CAMTA1: variants seen among roughly 807,000 people sequenced by gnomAD.
CAMTA1 encodes the protein calmodulin binding transcription activator 1.
A neutral mutation model predicts 170.9 loss-of-function variants in CAMTA1; 27 were observed. That is an observed-to-expected ratio of 0.16 (90% CI 0.12 to 0.22). CAMTA1 has a LOEUF of 0.22. Among genes scored for constraint, CAMTA1 ranks in the 10% least tolerant of loss-of-function variants. CAMTA1 has a pLI of 1.00. For synonymous variants in CAMTA1, 833 were observed against 891.5 expected (o/e 0.93, Z 1.17); for missense variants, 1,619 against 2,217.2 (o/e 0.73, Z 5.42).
At chr1:7,206,190 C>T (rs1463876329) in intron 4 of CAMTA1, among the ~76,000 whole-genome samples, 1 of 152,102 alleles carries the variant, frequency 6.6e-6, no homozygotes, top group Admixed American at 6.5e-5. Context: ...TTAATTTTCC[C>T]ACATGAACTA....
At chr1:7,045,723 G>A (rs1015591068) in intron 3 of CAMTA1, among the ~76,000 whole-genome samples, 2 of 152,176 alleles carry the variant, frequency 1.3e-5, no homozygotes, top group African/African-American at 4.8e-5. Context: ...CACCACATGA[G>A]TAGATTTTAA....
At chr1:7,696,675 T>C (rs1298920586) in intron 11 of CAMTA1, among the ~76,000 whole-genome samples, 1 of 152,132 alleles carries the variant, frequency 6.6e-6, no homozygotes, top group Non-Finnish European at 1.5e-5. Context: ...TCTTTCTGCC[T>C]CATGGAAAAG....
chr1:7,160,314 C>G (rs1396573777), intron 4 of CAMTA1, among the ~76,000 whole-genome samples: 2 of 152,154 alleles, frequency 1.3e-5, no homozygotes, highest in Non-Finnish European at 2.9e-5. Context: ...CAGCTTTACT[C>G]CCCCTGTCCC....
At chr1:7,756,766 T>G (rs1197338824) in intron 22 of CAMTA1, among the ~76,000 whole-genome samples, 1 of 152,144 alleles carries the variant, frequency 6.6e-6, no homozygotes, top group Non-Finnish European at 1.5e-5. Flanking sequence ...GAGGATCATG[T>G]AAGCCTGGGA....
In CAMTA1 at chr1:6,887,539, C is replaced by T; in HGVS notation, c.234+62329C>T. On this transcript the variant is annotated intron_variant, in intron 3 of 22. Transcript: ENST00000303635. This position sits in a 1 kb window ranked among gnomAD's most constrained non-coding sequence, Gnocchi z 4.1. ...GTGTTTAATATATACTTTAGTTTGC[C>T]TTTACCCAGATGTCTCCTCCTCTCT... 1 of 1,471,246 alleles carries T rather than the reference C, an allele frequency of 6.8e-7. No homozygotes were observed. The highest frequency in any genetic ancestry group is 1.3e-5 in the South Asian group (1 of 75,408). The allele number at this position is 1,471,246 out of a possible 1,614,324, so 91.1% of individuals were successfully genotyped here.
At chr1:7,193,252 T>G (rs977431353) in intron 4 of CAMTA1, among the ~76,000 whole-genome samples, 1 of 151,316 alleles carries the variant, frequency 6.6e-6, no homozygotes, top group Admixed American at 6.6e-5. Flanking sequence ...CTCGGGAGCC[T>G]GAGGCAGGGA....
chr1:7,057,121 C>G (rs71637365), intron 3 of CAMTA1, among the ~76,000 whole-genome samples: 50 of 152,324 alleles, frequency 3.3e-4, no homozygotes, highest in Non-Finnish European at 6.0e-4. Flanking sequence ...TGCTCTTCTC[C>G]ACCAGGCCTG....
chr1:7,232,775 C>T (rs965928668), intron 4 of CAMTA1, among the ~76,000 whole-genome samples: 3 of 152,264 alleles, frequency 2.0e-5, no homozygotes, highest in South Asian at 2.1e-4. Flanking sequence ...AAGAACAAAG[C>T]GCATTAAGAG....
intron 5 of CAMTA1, among the ~76,000 whole-genome samples, chr1:7,305,409 C>A (rs903966991): frequency 6.6e-6 from 1 of 151,846 alleles, no homozygotes; most frequent in Non-Finnish European, 1.5e-5. Flanking sequence ...CCACTAAACC[C>A]CAGCTGGTAT....
At chr1:7,458,651 G>C (rs985287510) in intron 5 of CAMTA1, among the ~76,000 whole-genome samples, 1 of 152,206 alleles carries the variant, frequency 6.6e-6, no homozygotes, top group Non-Finnish European at 1.5e-5. Context: ...GGGAGCCTGG[G>C]CCTGAGCTGT....
At chr1:6,910,446 G>A (rs1225423041) in intron 3 of CAMTA1, among the ~76,000 whole-genome samples, 1 of 152,226 alleles carries the variant, frequency 6.6e-6, no homozygotes, top group Non-Finnish European at 1.5e-5. Flanking sequence ...TAACTTTGCA[G>A]GGTTCATTCC....
At chr1:7,491,367 AG>A (rs966059722) in intron 6 of CAMTA1, among the ~76,000 whole-genome samples, 27 of 152,196 alleles carry the variant, frequency 1.8e-4, no homozygotes, top group African/African-American at 5.8e-4. Context: ...CAAACCATAG[AG>A]GGGAAGGCTA....
In CAMTA1 at chr1:7,378,028, A is replaced by G. The variant is rs536928496; in HGVS notation, c.439-89802A>G. On this transcript the variant is annotated intron_variant, in intron 5 of 22. Coordinates refer to ENST00000303635, the MANE Select transcript of CAMTA1 (RefSeq NM_015215.4). The stretch of plus-strand genomic sequence containing the variant: ...ACTATGGCGGAATCAAGAAGGCGCC[A>G]TAGAGACAGTATTGCCTAGAAAGCC... Among the ~76,000 whole-genome samples the G allele has an allele frequency of 4.6e-5, 7 of 152,346 alleles. No homozygotes were observed. The South Asian group carries it at 1.0e-3, about 23-fold the overall frequency.
At chr1:7,408,506 G>A (rs1397561217) in intron 5 of CAMTA1, among the ~76,000 whole-genome samples, 3 of 152,190 alleles carry the variant, frequency 2.0e-5, no homozygotes, top group African/African-American at 7.2e-5. Flanking sequence ...GAGCCGCTTG[G>A]CCACTTGTGG....
Position 6,887,614 on chromosome 1 carries a change from A to G in CAMTA1, c.234+62404A>G, listed in dbSNP as rs186621821. ...TTTCTTCAGTTAAAAACAGAAATAG[A>G]AGCGACGGTTTTGACCCATTTTACA... On this transcript the variant is annotated intron_variant, in intron 3 of 22. Coordinates refer to ENST00000303635, the MANE Select transcript of CAMTA1 (RefSeq NM_015215.4). This position sits in a 1 kb window ranked among gnomAD's most constrained non-coding sequence, Gnocchi z 4.1. The G allele has an allele frequency of 3.7e-4, 572 of 1,530,622 alleles. 2 individuals are homozygous for G. The African/African-American group carries it at 7.1e-3, about 19-fold the overall frequency. The allele number at this position is 1,530,622 out of a possible 1,614,324, so 94.8% of individuals were successfully genotyped here. A position where few individuals can be genotyped will look rare whatever the true frequency, so the allele number is the denominator to read the frequency against.
chr1:7,618,262 G>A (rs1436682476), intron 6 of CAMTA1, among the ~76,000 whole-genome samples: 1 of 152,224 alleles, frequency 6.6e-6, no homozygotes, highest in Non-Finnish European at 1.5e-5. Context: ...TGAGTGGTCA[G>A]TGGAGAGATG....
chr1:7,307,519 A>G (rs1409224133), intron 5 of CAMTA1, among the ~76,000 whole-genome samples: 1 of 151,968 alleles, frequency 6.6e-6, no homozygotes, highest in Non-Finnish European at 1.5e-5. Context: ...TGTTCCTGAT[A>G]TTAGAGGGAA....
intron 4 of CAMTA1, among the ~76,000 whole-genome samples, chr1:7,181,242 T>C (rs1652095164): frequency 6.6e-6 from 1 of 152,216 alleles, no homozygotes; most frequent in South Asian, 2.1e-4. Context: ...ATAGATGCTT[T>C]TTTAACCTGA....
chr1:6,860,789 G>A (rs778774330), intron 3 of CAMTA1, among the ~76,000 whole-genome samples: 14 of 151,882 alleles, frequency 9.2e-5, no homozygotes, highest in Admixed American at 3.9e-4. Context: ...GTGCATGCCT[G>A]TAATCCCAGC....
Sources: allele counts gnomAD v4.1 joint callset (sites outside exome capture counted in the v4.1 genomes callset), GRCh38; gene constraint gnomAD v4.1.1; non-coding constraint Gnocchi (gnomAD v3.1); transcripts MANE v1.5; gene names NCBI Gene and HGNC (gene_info 2026-07-23, HGNC 2026-07-21).